The following SLC4A4 variants were observed in gnomAD, a reference collection of about 807,000 sequenced individuals.
SLC4A4 encodes the protein solute carrier family 4 member 4, also known as electrogenic sodium bicarbonate cotransporter 1.
A neutral mutation model predicts 111.5 loss-of-function variants in SLC4A4; 27 were observed. The observed-to-expected ratio is 0.24, with a 90% confidence interval of 0.18 to 0.33. The LOEUF is 0.33. Ranked by LOEUF, SLC4A4 falls within the 10% of genes least tolerant of loss-of-function variation. The probability of loss-of-function intolerance (pLI) is 1.00; values close to 1 mark genes in which losing one functional copy is unlikely to be tolerated. For synonymous variants in SLC4A4, 443 were observed against 463.4 expected (o/e 0.96, Z 0.57); for missense variants, 909 against 1,315.5 (o/e 0.69, Z 4.78).
rs1186917103 is a variant in SLC4A4, at chr4:71,497,564, A to C, written c.2038A>C (p.Asn680His). 6.2e-7 allele frequency: 1 copy of C among 1,613,528 alleles called. No individual in the cohort carries two copies. The highest frequency in any genetic ancestry group is 1.3e-5 in the African/African-American group (1 of 74,902). ...SKKECSKYGGNLVGNNCNFVP... is the reference protein window; with the variant it reads ...SKKECSKYGGHLVGNNCNFVP... ...GAAGGAGTGTTCAAAATACGGAGGA[A>C]ACCTCGTCGGGAACAACTGTAATTT... The change falls in exon 16 of 26, where the codon AAC (asparagine) becomes CAC (histidine). Residue 680 changes from asparagine (N) to histidine (H), a missense_variant. Asn to His is a moderately conservative substitution (Grantham distance 68). Transcript: ENST00000264485.
intron 7 of SLC4A4, among the ~76,000 whole-genome samples, chr4:71,406,845 T>G (rs1360528098): frequency 6.6e-6 from 1 of 152,144 alleles, no homozygotes; most frequent in Non-Finnish European, 1.5e-5. Flanking sequence ...AGCTGTACTC[T>G]TCATCATTCA....
Position 71,422,910 on chromosome 4 carries a change from C to T in SLC4A4, c.808-17706C>T, listed in dbSNP as rs973103357. Among the ~76,000 whole-genome samples, 81 of 152,166 alleles carry T rather than the reference C, an allele frequency of 5.3e-4. 1 individual carries two copies. The highest frequency in any genetic ancestry group is 7.5e-4 in the Non-Finnish European group (51 of 68,024). On this transcript the variant is annotated intron_variant, in intron 7 of 25. Coordinates refer to ENST00000264485, the MANE Select transcript of SLC4A4 (RefSeq NM_001098484.3). ...TGAATGGGCAGAAACTGGAAGCATTCCCTTTGAAAACTGGCACAAGACAGG... is the reference window on the plus strand; with the variant it reads ...TGAATGGGCAGAAACTGGAAGCATTTCCTTTGAAAACTGGCACAAGACAGG...
chr4:71,441,598 G>A (rs1724720497), intron 8 of SLC4A4, among the ~76,000 whole-genome samples: 1 of 152,066 alleles, frequency 6.6e-6, no homozygotes, highest in Non-Finnish European at 1.5e-5. Context: ...AGCAGGAAGG[G>A]CTATGAATCC....
chr4:71,245,243 A>C (rs564027894), intron 2 of SLC4A4, among the ~76,000 whole-genome samples: 1 of 152,272 alleles, frequency 6.6e-6, no homozygotes, highest in African/African-American at 2.4e-5. Context: ...GTTATGCTAA[A>C]TATTAGCATT....
chr4:71,136,305 C>T (rs1214095233), intron 2 of SLC4A4, among the ~76,000 whole-genome samples: 1 of 152,228 alleles, frequency 6.6e-6, no homozygotes, highest in Non-Finnish European at 1.5e-5. Context: ...GAAGAGCCCT[C>T]ATGCATAGCT....
intron 2 of SLC4A4, among the ~76,000 whole-genome samples, chr4:71,241,502 T>TA (rs948497327): frequency 6.6e-6 from 1 of 152,092 alleles, no homozygotes; most frequent in African/African-American, 2.4e-5. Context: ...TATTTTTTTC[T>TA]AAAAAAACTG....
chr4:71,472,168 C>T (rs575701980), intron 13 of SLC4A4, among the ~76,000 whole-genome samples: 5 of 152,048 alleles, frequency 3.3e-5, no homozygotes, highest in African/African-American at 4.8e-5. Flanking sequence ...ATTTTTTCTG[C>T]GACTTCATCT....
At position 71,328,540 on chromosome 4, in the gene SLC4A4, G is replaced by A. The variant is rs577228186; in HGVS notation, c.254-10830G>A. 1.2e-4 allele frequency among the ~76,000 whole-genome samples: 19 copies of A among 152,162 alleles called. No homozygotes were observed. In the East Asian group the frequency reaches 1.4e-3, roughly 11 times the overall value. On this transcript the variant is annotated intron_variant, in intron 3 of 25. Coordinates refer to ENST00000264485, the MANE Select transcript of SLC4A4 (RefSeq NM_001098484.3). ...TTTAACTGGGTGATATGATCTCATT[G>A]TAGTTTTGATTTGCATTTCTCTGAT...
chr4:71,537,068 A>G (rs1215553319), intron 18 of SLC4A4, among the ~76,000 whole-genome samples: 1 of 151,722 alleles, frequency 6.6e-6, no homozygotes, highest in Non-Finnish European at 1.5e-5. Flanking sequence ...TGGATAGTTT[A>G]TCAGAATCTT....
At chr4:71,523,075 C>T (rs1352684088) in intron 16 of SLC4A4, among the ~76,000 whole-genome samples, 9 of 152,086 alleles carry the variant, frequency 5.9e-5, no homozygotes, top group Admixed American at 5.9e-4. Flanking sequence ...CATCCCCATT[C>T]TGGTTTCTTT....
rs1355001215 is a variant in SLC4A4, at chr4:71,096,649, G to A, written c.-2+3857G>A. Among the ~76,000 whole-genome samples the A allele has an allele frequency of 3.9e-5, 6 of 152,170 alleles. No homozygotes were observed. In the South Asian group the frequency reaches 8.3e-4, roughly 21 times the overall value. On this transcript the variant is annotated intron_variant, in intron 2 of 26. Transcript: ENST00000649996. ...AATTACTGAATTTTCTTTTTGCTGCGAGTTCCAATATGGCTGACAGGACAC... is the reference window on the plus strand; with the variant it reads ...AATTACTGAATTTTCTTTTTGCTGCAAGTTCCAATATGGCTGACAGGACAC...
At chr4:71,453,788 T>C in intron 12 of SLC4A4, 119 bp downstream of exon 12, 2 of 921,586 alleles carry the variant, frequency 2.2e-6, no homozygotes, top group Non-Finnish European at 3.5e-6. Context: ...TTTCTTTTGC[T>C]GGATGCTGCA....
intron 3 of SLC4A4, among the ~76,000 whole-genome samples, chr4:71,328,787 A>T (rs1455732423): frequency 1.3e-5 from 2 of 151,758 alleles, no homozygotes; most frequent in African/African-American, 4.8e-5. Flanking sequence ...CACTTTGTTG[A>T]TTGTTTTCTT....
intron 20 of SLC4A4, among the ~76,000 whole-genome samples, chr4:71,552,897 T>C (rs977628524): frequency 6.6e-6 from 1 of 151,876 alleles, no homozygotes; most frequent in Admixed American, 6.6e-5. Flanking sequence ...TTCCATCTTC[T>C]TAAAATGCAT....
intron 16 of SLC4A4, among the ~76,000 whole-genome samples, chr4:71,510,347 T>C (rs1731802039): frequency 1.3e-5 from 2 of 152,232 alleles, no homozygotes; most frequent in South Asian, 4.1e-4. Flanking sequence ...TCTATCACTC[T>C]AATGTAAATG....
chr4:71,138,941 CG>C (rs1232793362), intron 2 of SLC4A4, among the ~76,000 whole-genome samples: 2 of 140,552 alleles, frequency 1.4e-5, no homozygotes, highest in African/African-American at 5.4e-5. Context: ...GAGGCTGAGG[CG>C]GGAGAACGGT....
At chr4:71,131,572 T>C (rs1278868348) in intron 2 of SLC4A4, among the ~76,000 whole-genome samples, 1 of 152,212 alleles carries the variant, frequency 6.6e-6, no homozygotes, top group African/African-American at 2.4e-5. Context: ...TGGAAGTATA[T>C]GCAAATTACT....
chr4:71,128,599 C>T (rs1331065510), intron 2 of SLC4A4, among the ~76,000 whole-genome samples: 1 of 152,140 alleles, frequency 6.6e-6, no homozygotes, highest in Non-Finnish European at 1.5e-5. Flanking sequence ...AATGATCCTC[C>T]CACCTCAGCC....
intron 16 of SLC4A4, among the ~76,000 whole-genome samples, chr4:71,527,223 AGCAGGAAGACTAT>A (rs1479499687): frequency 6.6e-6 from 1 of 152,100 alleles, no homozygotes; most frequent in East Asian, 1.9e-4. Flanking sequence ...CAAGTGCAGA[AGCAGGAAGACTAT>A]GTAGGAAGCT....
Sources: allele counts gnomAD v4.1 joint callset (sites outside exome capture counted in the v4.1 genomes callset), GRCh38; gene constraint gnomAD v4.1.1; transcripts MANE v1.5; gene names NCBI Gene and HGNC (gene_info 2026-07-23, HGNC 2026-07-21).